The following RNPEP variants were observed in gnomAD, a reference collection of about 807,000 sequenced individuals.
RNPEP encodes aminopeptidase B.
In RNPEP, 57 loss-of-function variants were observed where a neutral mutation model predicts 70.1. That is an observed-to-expected ratio of 0.81 (90% CI 0.66 to 1.01). The LOEUF (loss-of-function observed/expected upper bound fraction) is 1.01, where lower values mean the gene tolerates loss of function less well. Among genes scored for constraint, RNPEP ranks in the 50% least tolerant of loss-of-function variants. The pLI, the probability that RNPEP is intolerant of heterozygous loss-of-function variation, is 0.00. For missense variants in RNPEP, 787 were observed against 852.4 expected (o/e 0.92, Z 0.96); for synonymous variants, 335 against 357.4 (o/e 0.94, Z 0.71).
At chr1:201,986,015 TC>T (rs1171010254) in intron 1 of RNPEP, among the ~76,000 whole-genome samples, 2 of 152,112 alleles carry the variant, frequency 1.3e-5, no homozygotes, top group Non-Finnish European at 2.9e-5. Flanking sequence ...GCAGCCTTGA[TC>T]CCCCTGGTTC....
chr1:201,994,314 T>C (rs970328504), intron 3 of RNPEP, among the ~76,000 whole-genome samples: 8 of 152,302 alleles, frequency 5.3e-5, no homozygotes, highest in African/African-American at 1.7e-4. Context: ...CTAAATCTGA[T>C]AATGTCACTT....
intron 2 of RNPEP, 111 bp from the exon 3 acceptor site, chr1:201,989,272 T>C (rs1683238133): frequency 2.2e-6 from 3 of 1,351,312 alleles, no homozygotes; most frequent in Non-Finnish European, 3.1e-6. Context: ...TTCTCCAAGA[T>C]AGACTCCAGG....
intron 2 of RNPEP, 58 bp downstream of exon 2, chr1:201,989,102 T>C: frequency 6.4e-7 from 1 of 1,573,042 alleles, no homozygotes; most frequent in Non-Finnish European, 8.7e-7. Flanking sequence ...ATTTCAGATC[T>C]ATCAATCAGG....
At chr1:202,001,864 G>A in intron 8 of RNPEP, 97 bp downstream of exon 8, 3 of 821,052 alleles carry the variant, frequency 3.7e-6, no homozygotes, top group Non-Finnish European at 6.1e-6. Flanking sequence ...AAAACACTGG[G>A]TCAGAGTCAG....
At position 202,001,737 on chromosome 1, in the gene RNPEP, CT is replaced by C; in HGVS notation, c.1398del (p.Lys467ArgfsTer17). ...LDFYLEYFPE[L>X]KKKRVDIIPG... ...CTTCTACTTGGAATATTTCCCTGAG[CT>C]TAAGAAAAAGAGAGTGGATATCATT... On this transcript the variant is annotated frameshift_variant, in exon 8 of 11. Coordinates refer to ENST00000295640, the MANE Select transcript of RNPEP (RefSeq NM_020216.4). LOFTEE classifies it high-confidence loss of function. 1.2e-6 allele frequency: 2 copies of C among 1,610,686 alleles called. No homozygotes were observed. The highest frequency in any genetic ancestry group is 1.7e-6 in the Non-Finnish European group (2 of 1,176,994).
chr1:202,004,701 T>C (rs1683977937), intron 10 of RNPEP, among the ~76,000 whole-genome samples: 1 of 152,230 alleles, frequency 6.6e-6, no homozygotes, highest in Non-Finnish European at 1.5e-5. Flanking sequence ...CCTGCAGGCT[T>C]GCAGTGCTTT....
In RNPEP at chr1:202,005,788, C is replaced by G; in HGVS notation, c.*72C>G. 2 of 1,548,690 alleles carry G rather than the reference C, an allele frequency of 1.3e-6. No homozygotes were observed. The highest frequency in any genetic ancestry group is 1.8e-6 in the Non-Finnish European group (2 of 1,125,254). On this transcript the variant is annotated 3_prime_UTR_variant, in exon 11 of 11. Coordinates refer to ENST00000295640, the MANE Select transcript of RNPEP (RefSeq NM_020216.4). The stretch of plus-strand genomic sequence containing the variant: ...AGAATAATTGTTTGTTCCCAAATTC[C>G]TGTTCCCTGATCAACTTCCTGGAGT...
At chr1:202,002,456 C>G (rs1683865487) in intron 8 of RNPEP, among the ~76,000 whole-genome samples, 1 of 152,222 alleles carries the variant, frequency 6.6e-6, no homozygotes, top group Admixed American at 6.5e-5. Flanking sequence ...GCCGCTGTGC[C>G]CAGCCGCCAG....
In RNPEP at chr1:202,005,979, TCTC is replaced by T. The variant is rs973815816; in HGVS notation, c.*268_*270del. ...GCAGGCACTGCAGGGCAGCGGGTAT[TCTC>T]CTCCCCACCTAAGTCTCTGGGAAGA... On this transcript the variant is annotated 3_prime_UTR_variant, in exon 11 of 11. Coordinates refer to ENST00000295640, the MANE Select transcript of RNPEP (RefSeq NM_020216.4). The T allele has an allele frequency of 2.0e-5, 9 of 449,662 alleles. No individual in the cohort carries two copies. The highest frequency in any genetic ancestry group is 4.2e-5 in the South Asian group (1 of 23,818). The allele number at this position is 449,662 out of a possible 1,614,324, so 27.9% of individuals were successfully genotyped here.
chr1:201,989,130 A>G, intron 2 of RNPEP, 86 bp downstream of exon 2: 1 of 1,498,088 alleles, frequency 6.7e-7, no homozygotes, highest in Non-Finnish European at 9.0e-7. Context: ...TCAGTGGTAA[A>G]TTATTATATC....
rs536208916 is a variant in RNPEP, at chr1:201,991,562, G to A, written c.737+2031G>A. Among the ~76,000 whole-genome samples the A allele has an allele frequency of 2.2e-3, 331 of 152,276 alleles. 1 individual carries two copies. The highest frequency in any genetic ancestry group is 7.3e-3 in the African/African-American group (303 of 41,554). On this transcript the variant is annotated intron_variant, in intron 3 of 10. Coordinates refer to ENST00000295640, the MANE Select transcript of RNPEP (RefSeq NM_020216.4). ...TATAATCTCTTCTAATCCTTACACA[G>A]ACTCCATGAGGATGATACTTTCTAC...
intron 3 of RNPEP, 108 bp from the exon 4 acceptor site, chr1:201,996,039 T>C (rs1412994802): frequency 3.8e-6 from 3 of 782,988 alleles, no homozygotes; most frequent in Admixed American, 2.3e-5. Flanking sequence ...GCTGACTGCA[T>C]TGTCACATTC....
chr1:202,000,606 A>G (rs1683755476), intron 6 of RNPEP, among the ~76,000 whole-genome samples: 1 of 152,196 alleles, frequency 6.6e-6, no homozygotes, highest in Non-Finnish European at 1.5e-5. Context: ...AGCCTGGAAC[A>G]GCTGTAAAAA....
At chr1:201,989,269 A>G (rs1259259089) in intron 2 of RNPEP, 114 bp from the exon 3 acceptor site, 5 of 1,346,164 alleles carry the variant, frequency 3.7e-6, no homozygotes, top group East Asian at 2.3e-5. Context: ...GTGTTCTCCA[A>G]GATAGACTCC....
chr1:201,983,853 T>A, intron 1 of RNPEP: 1 of 1,006,508 alleles, frequency 9.9e-7, no homozygotes, highest in Non-Finnish European at 1.2e-6. Flanking sequence ...TCCTGGAGAG[T>A]CCTTAGGCTG....
At chr1:201,999,454 G>A (rs1397719127) in intron 5 of RNPEP, among the ~76,000 whole-genome samples, 3 of 151,136 alleles carry the variant, frequency 2.0e-5, no homozygotes, top group African/African-American at 4.9e-5. Flanking sequence ...CAGAAGAATC[G>A]CTTGAACCCA....
rs139998616 is a variant in RNPEP, at chr1:202,003,142, G to A, written c.1427-95G>A. 298 of 794,220 alleles carry A rather than the reference G, an allele frequency of 3.8e-4. 2 individuals carry two copies. In the Middle Eastern group the frequency reaches 5.3e-3, roughly 14 times the overall value. 49.2% of individuals were successfully genotyped at this position (794,220 alleles called of 1,614,324 possible). On this transcript the variant is annotated intron_variant, in intron 8 of 10. Coordinates refer to ENST00000295640, the MANE Select transcript of RNPEP (RefSeq NM_020216.4). ...TGCTGGGGAAAGAGTTTGGGATGGA[G>A]AGAGGAGAAACTTGAGGTCTCTGGG...
At chr1:202,004,541 C>T in intron 10 of RNPEP, 45 bp downstream of exon 10, 9 of 1,604,864 alleles carry the variant, frequency 5.6e-6, no homozygotes, top group Non-Finnish European at 7.6e-6. Context: ...CACTGGGACC[C>T]ACTCGGCCAT....
At position 201,982,694 on chromosome 1, in the gene RNPEP, A is replaced by AGCGGC. The variant is rs1682977772; in HGVS notation, c.34_38dup (p.Arg15ProfsTer47). On this transcript the variant is annotated frameshift_variant, in exon 1 of 11. Transcript: ENST00000295640. LOFTEE classifies it high-confidence loss of function. ...GGCGAGCGGCGAGCATTCCCCCGGCAGCGGCGCGGCCCGGCGGCCGCTGCA... is the reference window on the plus strand; with the variant it reads ...GGCGAGCGGCGAGCATTCCCCCGGCAGCGGCGCGGCGCGGCCCGGCGGCCGCTGCA... 7.2e-7 allele frequency: 1 copy of AGCGGC among 1,393,970 alleles called. No individual in the cohort carries two copies. The highest frequency in any genetic ancestry group is 3.1e-5 in the East Asian group (1 of 32,082). The allele number at this position is 1,393,970 out of a possible 1,614,324, so 86.4% of individuals were successfully genotyped here. A position where few individuals can be genotyped will look rare whatever the true frequency, so the allele number is the denominator to read the frequency against.
Sources: gnomAD v4.1 joint callset for allele counts (sites outside exome capture counted in the v4.1 genomes callset) on GRCh38, gnomAD v4.1.1 for gene constraint, MANE v1.5 for transcripts, NCBI Gene and HGNC (gene_info 2026-07-23, HGNC 2026-07-21) for gene names.